RIC3: variants seen among roughly 807,000 people sequenced by gnomAD.
RIC3 encodes RIC3 acetylcholine receptor chaperone, also known as protein RIC-3.
RIC3 carries 28 observed loss-of-function variants against 27.3 expected under a neutral mutation model. That is an observed-to-expected ratio of 1.02 (90% CI 0.76 to 1.41). The LOEUF (loss-of-function observed/expected upper bound fraction) is 1.41, where lower values mean the gene tolerates loss of function less well. Ranked by LOEUF, RIC3 falls within the 40% of genes most tolerant of loss-of-function variation. RIC3 has a pLI of 0.00. For missense variants in RIC3, 501 were observed against 444.7 expected (o/e 1.13, Z -1.14); for synonymous variants, 184 against 160.4 (o/e 1.15, Z -1.11).
intron 1 of RIC3, among the ~76,000 whole-genome samples, chr11:8,165,786 TG>T (rs1325857174): frequency 0.048 from 2,766 of 57,892 alleles, 72 homozygotes; most frequent in African/African-American, 0.19. Flanking sequence ...TGTTTTGTTT[TG>T]TTTTTTTTTT....
At chr11:8,101,834 G>A (rs1297358365), downstream of RIC3, 11 of 703,134 alleles carry the variant, frequency 1.6e-5, no homozygotes, top group Non-Finnish European at 2.5e-5. Flanking sequence ...GGGTGTGAAG[G>A]GATGAGAATA....
In RIC3 at chr11:8,118,903, T is replaced by C. The variant is rs1302814827; in HGVS notation, c.670+7756A>G. ...AAAAAGAAAAAATAGCAGATTGAAA[T>C]GGACATGGCTGAAAACCAAATTAGT... On this transcript the variant is annotated intron_variant, in intron 5 of 5. Coordinates refer to ENST00000309737, the MANE Select transcript of RIC3 (RefSeq NM_001206671.4). Among the ~76,000 whole-genome samples the C allele has an allele frequency of 2.0e-5, 3 of 148,424 alleles. No homozygotes were observed. In the South Asian group the frequency reaches 6.3e-4, roughly 31 times the overall value.
intron 1 of RIC3, among the ~76,000 whole-genome samples, chr11:8,165,874 C>T (rs1951651168): frequency 6.9e-6 from 1 of 145,308 alleles, no homozygotes; most frequent in Non-Finnish European, 1.5e-5. Flanking sequence ...GACCTCCAAA[C>T]TTCAAACGAT....
intron 1 of RIC3, among the ~76,000 whole-genome samples, chr11:8,161,823 C>A (rs191552421): frequency 3.3e-5 from 5 of 150,584 alleles, no homozygotes; most frequent in African/African-American, 1.2e-4. Context: ...TCTACACACA[C>A]ACGTATATAA....
At chr11:8,165,127 T>C (rs1951562423) in intron 1 of RIC3, among the ~76,000 whole-genome samples, 2 of 152,214 alleles carry the variant, frequency 1.3e-5, no homozygotes, top group Admixed American at 6.5e-5. Flanking sequence ...GTAATAACCA[T>C]ACAACCTAGA....
intron 1 of RIC3, among the ~76,000 whole-genome samples, chr11:8,142,271 G>C (rs1346262173): frequency 7.5e-6 from 1 of 134,216 alleles, no homozygotes; most frequent in East Asian, 2.2e-4. Context: ...AAAATTGATA[G>C]ACCGCTAGCA....
chr11:8,132,257 C>T (rs975249149), intron 4 of RIC3, among the ~76,000 whole-genome samples: 1 of 152,184 alleles, frequency 6.6e-6, no homozygotes, highest in Admixed American at 6.5e-5. Flanking sequence ...TCCACTCTCA[C>T]TGGCCTATTT....
At chr11:8,127,382 C>G (rs1303610369) in intron 4 of RIC3, among the ~76,000 whole-genome samples, 1 of 152,164 alleles carries the variant, frequency 6.6e-6, no homozygotes, top group Non-Finnish European at 1.5e-5. Flanking sequence ...CTGGGGTCCA[C>G]AGAGGAGAAA....
At position 8,166,730 on chromosome 11, in the gene RIC3, T is replaced by A. The variant is rs143965944; in HGVS notation, c.124+2136A>T. ...AACCAAAAACAAAAAAAATTTTTTTTAATTAGCCAGGCATGGTGGCATGTG... is the reference window on the plus strand; with the variant it reads ...AACCAAAAACAAAAAAAATTTTTTTAAATTAGCCAGGCATGGTGGCATGTG... On this transcript the variant is annotated intron_variant, in intron 1 of 5. Transcript: ENST00000309737. Among the ~76,000 whole-genome samples the A allele has an allele frequency of 2.6e-3, 398 of 152,070 alleles. 2 individuals are homozygous for A. The highest frequency in any genetic ancestry group is 9.3e-3 in the African/African-American group (385 of 41,508).
At chr11:8,104,347 G>C (rs1326459518), downstream of RIC3, 1 of 152,292 alleles carries the variant, frequency 6.6e-6, no homozygotes, top group Non-Finnish European at 1.5e-5. Flanking sequence ...CTGCAGAGTG[G>C]TGAAGTTCAC....
In RIC3 at chr11:8,161,986, G is replaced by A. The variant is rs1192053894; in HGVS notation, c.124+6880C>T. ...TATAAATGAGACACTCACTTTCTCC[G>A]GGCAATGGAATGTGAGGAGGTAATG... On this transcript the variant is annotated intron_variant, in intron 1 of 5. Coordinates refer to ENST00000309737, the MANE Select transcript of RIC3 (RefSeq NM_001206671.4). 8.9e-3 allele frequency among the ~76,000 whole-genome samples: 972 copies of A among 109,750 alleles called. 36 individuals are homozygous for A. Among genetic ancestry groups the A allele is most frequent in the African/African-American group, 0.036 (929 of 25,918 alleles). The allele number at this position is 109,750 out of a possible 152,430, so 72.0% of individuals were successfully genotyped here. A position where few individuals can be genotyped will look rare whatever the true frequency, so the allele number is the denominator to read the frequency against.
At chr11:8,161,625 A>G (rs1951171200) in intron 1 of RIC3, among the ~76,000 whole-genome samples, 1 of 152,246 alleles carries the variant, frequency 6.6e-6, no homozygotes, top group African/African-American at 2.4e-5. Context: ...AATTCAAGCC[A>G]TTAACGTGAA....
the RIC3 span, among the ~76,000 whole-genome samples, chr11:8,098,515 T>C: frequency 7.0e-4 from 106 of 152,318 alleles, 1 homozygote; most frequent in South Asian, 0.015. Context: ...AGAATCCTGA[T>C]TGACCTCCCT....
Position 8,107,994 on chromosome 11 carries a change from G to A in RIC3, c.*2704C>T, listed in dbSNP as rs1221766263. 3 of 152,122 alleles carry A rather than the reference G, an allele frequency of 2.0e-5. No individual in the cohort carries two copies. The highest frequency in any genetic ancestry group is 2.0e-4 in the Admixed American group (3 of 15,278). The allele number at this position is 152,122 out of a possible 1,614,324, so 9.4% of individuals were successfully genotyped here. A position where few individuals can be genotyped will look rare whatever the true frequency, so the allele number is the denominator to read the frequency against. The stretch of plus-strand genomic sequence containing the variant: ...ACACATATAACTGTCATCCCCGAAG[G>A]ATAAAATAATTCTGGAAAATCCAAA... On this transcript the variant is annotated 3_prime_UTR_variant, in exon 6 of 6. Coordinates refer to ENST00000309737, the MANE Select transcript of RIC3 (RefSeq NM_001206671.4).
chr11:8,151,585 C>CAAAAAAAAAAAAAAAAAAAAA (rs60087055), intron 1 of RIC3, among the ~76,000 whole-genome samples: 1 of 61,694 alleles, frequency 1.6e-5, no homozygotes, highest in African/African-American at 1.1e-4. Context: ...AACTCCGTCT[C>CAAAAAAAAAAAAAAAAAAAAA]AAAAAAAAAA....
At chr11:8,100,426 T>C in the RIC3 span, 1 of 1,161,898 alleles carries the variant, frequency 8.6e-7, no homozygotes, top group Admixed American at 1.9e-5. Flanking sequence ...GCTCTTCCTC[T>C]TTATTCCCGT....
chr11:8,152,311 G>C (rs923105213), intron 1 of RIC3, among the ~76,000 whole-genome samples: 2 of 152,158 alleles, frequency 1.3e-5, no homozygotes, highest in African/African-American at 4.8e-5. Flanking sequence ...ATTATTCATA[G>C]TATCTAAATG....
intron 4 of RIC3, 178 bp from the exon 5 acceptor site, chr11:8,126,985 T>C: frequency 1.4e-6 from 1 of 723,718 alleles, no homozygotes; most frequent in South Asian, 1.8e-5. Context: ...TTCAATGCTT[T>C]GATTTTATAA....
Position 8,116,767 on chromosome 11 carries a change from G to A in RIC3, c.671-5630C>T, listed in dbSNP as rs149756011. Among the ~76,000 whole-genome samples, 180 of 152,312 alleles carry A rather than the reference G, an allele frequency of 1.2e-3. 2 individuals carry two copies. The highest frequency in any genetic ancestry group is 1.5e-3 in the Non-Finnish European group (99 of 68,032). On this transcript the variant is annotated intron_variant, in intron 5 of 5. Transcript: ENST00000309737. ...AGACAAAAGGCAATAATAAGTGTCA[G>A]CAAGGATGTAGAGAAAAGGGAACCC...
Sources: allele counts gnomAD v4.1 joint callset (sites outside exome capture counted in the v4.1 genomes callset), GRCh38; gene constraint gnomAD v4.1.1; transcripts MANE v1.5; gene names NCBI Gene and HGNC (gene_info 2026-07-23, HGNC 2026-07-21).